Variants in VAMP5 observed in about 807,000 individuals in gnomAD.
VAMP5 encodes vesicle-associated membrane protein 5.
VAMP5 carries 10 observed loss-of-function variants against 8.1 expected under a neutral mutation model. That is an observed-to-expected ratio of 1.23 (90% CI 0.76 to 2.09). The LOEUF is 2.09. Ranked by LOEUF, VAMP5 falls within the 30% of genes most tolerant of loss-of-function variation. The pLI is 0.00. For synonymous variants in VAMP5, 62 were observed against 60.6 expected (o/e 1.02, Z -0.11); for missense variants, 135 against 152.5 (o/e 0.89, Z 0.60).
At position 85,591,845 on chromosome 2, in the gene VAMP5, G is replaced by C. The variant is rs201112273; in HGVS notation, c.124G>C (p.Asp42His). Residue 42 changes from aspartate (D) to histidine (H), a missense_variant, in exon 2 of 3, where the codon GAC becomes CAC. Physicochemically the swap from Asp to His is moderately conservative, Grantham distance 81. Coordinates refer to ENST00000306384, the MANE Select transcript of VAMP5 (RefSeq NM_006634.3). ...GCTGGCCGAACTGCAGCAGCGTTCA[G>C]ACCAACTCCTGGATATGGTGTGAGG... Reference protein sequence around the residue: ...VKLAELQQRSDQLLDMSSTFN... With the variant: ...VKLAELQQRSHQLLDMSSTFN... 7 of 1,614,072 alleles carry C rather than the reference G, an allele frequency of 4.3e-6. No individual in the cohort carries two copies. In the African/African-American group the frequency reaches 9.3e-5, roughly 22 times the overall value.
Position 85,584,460 on chromosome 2 carries a change from G to T in VAMP5, c.-31G>T, listed in dbSNP as rs776664281. ...CGGCCGCTCCGCAGGCAGAGAAGCC[G>T]GGAGCGGGCGAGGCGGCGGCGGCAG... On this transcript the variant is annotated 5_prime_UTR_variant, in exon 1 of 3. Transcript: ENST00000306384. 22 of 1,244,226 alleles carry T rather than the reference G, an allele frequency of 1.8e-5. No individual in the cohort carries two copies. Among genetic ancestry groups the T allele is most frequent in the Non-Finnish European group, 1.0e-6 (1 of 995,002 alleles). The allele number at this position is 1,244,226 out of a possible 1,614,324, so 77.1% of individuals were successfully genotyped here.
At position 85,593,061 on chromosome 2, in the gene VAMP5, G is replaced by A; in HGVS notation, c.255G>A (p.Leu85=). 6.2e-7 allele frequency: 1 copy of A among 1,614,236 alleles called. No homozygotes were observed. Among genetic ancestry groups the A allele is most frequent in the Non-Finnish European group, 8.5e-7 (1 of 1,180,040 alleles). Residue 85 remains leucine, a synonymous_variant, in exon 3 of 3, where the codon CTG becomes CTA. Transcript: ENST00000306384. ...LVVVGVLLII[L]IVLLVVFLPQ... ...TGGTTGGTGTCCTGCTCATCATCCT[G>A]ATTGTGCTGCTGGTCGTCTTTCTCC...
At chr2:85,587,912 CAGTT>C (rs758616975) in intron 1 of VAMP5, among the ~76,000 whole-genome samples, 40 of 152,252 alleles carry the variant, frequency 2.6e-4, no homozygotes, top group African/African-American at 8.4e-4. Flanking sequence ...CATCTGACGA[CAGTT>C]AGAACAGTTT....
rs759657836 is a variant in VAMP5, at chr2:85,592,906, G to C, written c.142-42G>C. 8 of 1,610,744 alleles carry C rather than the reference G, an allele frequency of 5.0e-6. No homozygotes were observed. The South Asian group carries it at 8.8e-5, about 18-fold the overall frequency. On this transcript the variant is annotated intron_variant, in intron 2 of 2. Coordinates refer to ENST00000306384, the MANE Select transcript of VAMP5 (RefSeq NM_006634.3). ...GAGGAGCTGGCTCCCAGGCCAAGAG[G>C]GTGCCAGCTAACTCCCACTTTGTGT...
chr2:85,586,532 C>T (rs577860601), intron 1 of VAMP5, among the ~76,000 whole-genome samples: 1 of 151,918 alleles, frequency 6.6e-6, no homozygotes, highest in South Asian at 2.1e-4. Flanking sequence ...GCTGAGATCG[C>T]GCCATTGCAC....
At position 85,591,871 on chromosome 2, in the gene VAMP5, C is replaced by T; in HGVS notation, c.141+9C>T. On this transcript the variant is annotated intron_variant, in intron 2 of 2. Transcript: ENST00000306384. ...ACCAACTCCTGGATATGGTGTGAGG[C>T]CTGGGGGAGCATGGAGGGGAGGGGA... 6.2e-7 allele frequency: 1 copy of T among 1,613,936 alleles called. No individual in the cohort carries two copies. The highest frequency in any genetic ancestry group is 8.5e-7 in the Non-Finnish European group (1 of 1,179,940).
intron 2 of VAMP5, 60 bp downstream of exon 2, chr2:85,591,922 C>A: frequency 1.2e-6 from 2 of 1,603,022 alleles, no homozygotes; most frequent in South Asian, 2.2e-5. Context: ...CTCTCTTGGG[C>A]TGTATTCAGG....
At chr2:85,587,845 T>G (rs901076300) in intron 1 of VAMP5, among the ~76,000 whole-genome samples, 1 of 152,168 alleles carries the variant, frequency 6.6e-6, no homozygotes, top group Non-Finnish European at 1.5e-5. Context: ...CTGCTCCTAG[T>G]CTCTGAGCTG....
rs572124706 is a variant in VAMP5, at chr2:85,591,774, A to C, written c.53A>C (p.Glu18Ala). The C allele has an allele frequency of 6.2e-7, 1 of 1,614,114 alleles. No homozygotes were observed. The highest frequency in any genetic ancestry group is 1.3e-5 in the African/African-American group (1 of 75,014). ...RCQQQANEVTEIMRNNFGKVL... is the reference protein window; with the variant it reads ...RCQQQANEVTAIMRNNFGKVL... ...CAGCAGCAGGCGAACGAGGTGACGG[A>C]AATTATGCGTAACAACTTCGGCAAG... is the stretch of plus-strand genomic sequence containing the variant. The change falls in exon 2 of 3, where the codon GAA (glutamate) becomes GCA (alanine). Residue 18 changes from glutamate (E) to alanine (A), a missense_variant. Glu to Ala is a moderately radical substitution (Grantham distance 107). Transcript: ENST00000306384.
intron 1 of VAMP5, among the ~76,000 whole-genome samples, chr2:85,591,063 CA>C (rs1195449934): frequency 6.6e-6 from 1 of 152,098 alleles, no homozygotes; most frequent in Non-Finnish European, 1.5e-5. Context: ...GGCTGGAGGC[CA>C]AAAACCGGTA....
intron 1 of VAMP5, 26 bp downstream of exon 1, chr2:85,584,519 G>C (rs1672434935): frequency 8.1e-7 from 1 of 1,237,422 alleles, no homozygotes; most frequent in African/African-American, 1.6e-5. Context: ...GGGCCGGCCA[G>C]CCCTGCGACG....
At chr2:85,584,938 C>T (rs1366670522) in intron 1 of VAMP5, among the ~76,000 whole-genome samples, 1 of 152,218 alleles carries the variant, frequency 6.6e-6, no homozygotes, top group Non-Finnish European at 1.5e-5. Context: ...ACCCGCCTGG[C>T]ACTCAGAACC....
intron 1 of VAMP5, among the ~76,000 whole-genome samples, chr2:85,589,814 T>G (rs914319638): frequency 1.3e-5 from 2 of 152,024 alleles, no homozygotes; most frequent in Admixed American, 6.6e-5. Flanking sequence ...TGCACCACCA[T>G]GCCTGGCTAA....
Position 85,593,248 on chromosome 2 carries a change from CCA to C in VAMP5, c.*92_*93del. ...GGTGTTTGCTCTCCCTTGACCCACC[CCA>C]GTGAGTGCCAAAGGGCAGCCCCAAC... On this transcript the variant is annotated 3_prime_UTR_variant, in exon 3 of 3. Transcript: ENST00000306384. The C allele has an allele frequency of 7.3e-7, 1 of 1,372,592 alleles. No homozygotes were observed. Among genetic ancestry groups the C allele is most frequent in the East Asian group, 2.4e-5 (1 of 40,858 alleles). The allele number at this position is 1,372,592 out of a possible 1,614,324, so 85.0% of individuals were successfully genotyped here.
intron 2 of VAMP5, among the ~76,000 whole-genome samples, chr2:85,592,355 C>T (rs1038782255): frequency 6.6e-6 from 1 of 152,172 alleles, no homozygotes; most frequent in African/African-American, 2.4e-5. Context: ...CCTTGGCTTT[C>T]CAATGTGCTG....
chr2:85,588,489 C>A (rs1024486066), intron 1 of VAMP5, among the ~76,000 whole-genome samples: 9 of 152,084 alleles, frequency 5.9e-5, no homozygotes, highest in Non-Finnish European at 1.2e-4. Flanking sequence ...CTGTCTCACC[C>A]TTCTTCCTTT....
chr2:85,591,624 T>C, intron 1 of VAMP5, 101 bp from the exon 2 acceptor site: 2 of 1,551,342 alleles, frequency 1.3e-6, no homozygotes, highest in Non-Finnish European at 1.8e-6. Flanking sequence ...ACTCTCATGC[T>C]GTACCCACCT....
At chr2:85,592,662 G>A (rs1286191979) in intron 2 of VAMP5, among the ~76,000 whole-genome samples, 1 of 151,978 alleles carries the variant, frequency 6.6e-6, no homozygotes, top group African/African-American at 2.4e-5. Context: ...TTAGCCGGGC[G>A]CAGTGGTGTG....
intron 1 of VAMP5, among the ~76,000 whole-genome samples, chr2:85,588,323 G>A (rs890496448): frequency 9.2e-5 from 14 of 152,156 alleles, no homozygotes; most frequent in African/African-American, 3.4e-4. Context: ...AGAGGTTTGA[G>A]TGTCATAGAG....
Sources: gnomAD v4.1 joint callset for allele counts (sites outside exome capture counted in the v4.1 genomes callset) on GRCh38, gnomAD v4.1.1 for gene constraint, MANE v1.5 for transcripts, NCBI Gene and HGNC (gene_info 2026-07-23, HGNC 2026-07-21) for gene names.